RANBP2: variants seen among roughly 807,000 people sequenced by gnomAD.
The protein encoded by RANBP2 is E3 SUMO-protein ligase RanBP2.
A neutral mutation model predicts 303.6 loss-of-function variants in RANBP2; 57 were observed. The observed-to-expected ratio is 0.19, with a 90% CI of 0.15 to 0.23. The LOEUF (loss-of-function observed/expected upper bound fraction) is 0.23. RANBP2 is among the 10% of genes least tolerant of loss of function. The probability of loss-of-function intolerance (pLI) is 1.00; values close to 1 mark genes in which losing one functional copy is unlikely to be tolerated. For missense variants in RANBP2, 3,138 were observed against 3,780.8 expected (o/e 0.83, Z 4.46); for synonymous variants, 1,167 against 1,301.5 (o/e 0.90, Z 2.23).
chr2:109,580,305 T>C, the RANBP2 span, among the ~76,000 whole-genome samples: 2 of 149,560 alleles, frequency 1.3e-5, no homozygotes, highest in African/African-American at 4.9e-5. Context: ...TAACTCACCT[T>C]ACTAAAGATT....
the RANBP2 span, among the ~76,000 whole-genome samples, chr2:109,009,229 A>G: frequency 2.6e-5 from 4 of 151,590 alleles, no homozygotes; most frequent in African/African-American, 9.7e-5. Context: ...AGTCCCAGTT[A>G]CTCTGGAGGC....
At chr2:109,520,081 G>A in the RANBP2 span, among the ~76,000 whole-genome samples, 2 of 152,216 alleles carry the variant, frequency 1.3e-5, no homozygotes, top group African/African-American at 2.4e-5. Flanking sequence ...CCAATGGATC[G>A]TACAAGGCTA....
At chr2:109,496,616 A>G in the RANBP2 span, among the ~76,000 whole-genome samples, 38,798 of 152,078 alleles carry the variant, frequency 0.26, 5,310 homozygotes, top group East Asian at 0.5. Context: ...ACATCGGATC[A>G]GCTCATCCTC....
the RANBP2 span, among the ~76,000 whole-genome samples, chr2:109,664,940 A>AG: frequency 6.6e-6 from 1 of 151,924 alleles, no homozygotes; most frequent in Admixed American, 6.6e-5. Flanking sequence ...AAAAAAAAAA[A>AG]CCAAAACCAA....
chr2:109,401,327 A>T, the RANBP2 span, among the ~76,000 whole-genome samples: 1 of 152,230 alleles, frequency 6.6e-6, no homozygotes, highest in Non-Finnish European at 1.5e-5. Context: ...GGGTACCCCT[A>T]AGAAGAGGAC....
the RANBP2 span, among the ~76,000 whole-genome samples, chr2:109,107,632 C>A: frequency 9.1e-4 from 139 of 152,314 alleles, no homozygotes; most frequent in Non-Finnish European, 1.7e-3. Flanking sequence ...ATGGCTCAGT[C>A]TCAGGGAGAC....
chr2:108,768,175 G>C lies in RANBP2; in HGVS notation c.7636G>C (p.Gly2546Arg). Residue 2546 changes from glycine to arginine, a missense_variant, in exon 20 of 29, where the codon GGA becomes CGA. Physicochemically the swap from Gly to Arg is moderately radical, Grantham distance 125. Transcript: ENST00000283195. ...GNSSATGSLFGFSFNAPLKSN... is the reference protein window; with the variant it reads ...GNSSATGSLFRFSFNAPLKSN... Reference sequence around the variant, plus strand: ...CAGTTCAGCCACTGGGTCTTTGTTTGGATTTAGTTTTAATGCACCTTTGAA... The same window carrying C: ...CAGTTCAGCCACTGGGTCTTTGTTTCGATTTAGTTTTAATGCACCTTTGAA... 6.2e-7 allele frequency: 1 copy of C among 1,611,972 alleles called. No individual in the cohort carries two copies.
chr2:109,160,549 T>G, the RANBP2 span, among the ~76,000 whole-genome samples: 1 of 152,214 alleles, frequency 6.6e-6, no homozygotes, highest in African/African-American at 2.4e-5. Flanking sequence ...CCTCTCTGGC[T>G]TAATCTCATC....
chr2:109,424,791 CT>C, the RANBP2 span, among the ~76,000 whole-genome samples: 1 of 152,162 alleles, frequency 6.6e-6, no homozygotes, highest in Non-Finnish European at 1.5e-5. Context: ...CCAGGCCTAC[CT>C]TTTCCCTTAG....
chr2:109,339,169 G>A, the RANBP2 span, among the ~76,000 whole-genome samples: 1,149 of 151,948 alleles, frequency 7.6e-3, 13 homozygotes, highest in African/African-American at 0.027. Flanking sequence ...GGAGGTGGAC[G>A]GGTAGGCAGA....
At chr2:109,329,490 C>T in the RANBP2 span, among the ~76,000 whole-genome samples, 4 of 152,334 alleles carry the variant, frequency 2.6e-5, no homozygotes, top group South Asian at 8.3e-4. Flanking sequence ...GTGTCTTTCC[C>T]TCTGTGCTGG....
At chr2:109,648,547 T>G in the RANBP2 span, among the ~76,000 whole-genome samples, 1 of 152,174 alleles carries the variant, frequency 6.6e-6, no homozygotes, top group East Asian at 1.9e-4. Flanking sequence ...TTCACTATGT[T>G]GGCCAGGCTG....
intron 7 of RANBP2, 44 bp downstream of exon 7, chr2:108,740,725 T>C: frequency 6.3e-7 from 1 of 1,597,360 alleles, no homozygotes; most frequent in Non-Finnish European, 8.5e-7. Context: ...TCACTGAGTC[T>C]TGATGTGTTT....
the RANBP2 span, among the ~76,000 whole-genome samples, chr2:109,628,894 G>A: frequency 6.6e-5 from 10 of 151,980 alleles, no homozygotes; most frequent in African/African-American, 1.5e-4. Context: ...TGGCAGGCAG[G>A]TTGGCAGTCA....
chr2:108,845,178 AT>A, the RANBP2 span, among the ~76,000 whole-genome samples: 1 of 151,938 alleles, frequency 6.6e-6, no homozygotes, highest in Non-Finnish European at 1.5e-5. Context: ...AGTTTTGAAC[AT>A]TTTTTTCTAT....
At chr2:109,545,495 C>T in the RANBP2 span, 50,598 of 1,536,130 alleles carry the variant, frequency 0.033, 965 homozygotes, top group Non-Finnish European at 0.038. Flanking sequence ...ATTGGTTTCA[C>T]AAGCTCTGAC....
chr2:109,217,646 G>T, the RANBP2 span, among the ~76,000 whole-genome samples: 1 of 152,216 alleles, frequency 6.6e-6, no homozygotes, highest in African/African-American at 2.4e-5. Flanking sequence ...GCCAGTGATG[G>T]GAATGAGATG....
chr2:109,249,574 TCC>T, the RANBP2 span, among the ~76,000 whole-genome samples: 5,163 of 135,398 alleles, frequency 0.038, 257 homozygotes, highest in Middle Eastern at 0.05. Flanking sequence ...CTTCCTTCCT[TCC>T]TTCCTTCCTT....
At chr2:109,129,470 T>A in the RANBP2 span, 1 of 1,495,174 alleles carries the variant, frequency 6.7e-7, no homozygotes, top group Admixed American at 2.1e-5. Context: ...TGATGCTGGC[T>A]GCCGGTGGCG....
Sources: allele counts gnomAD v4.1 joint callset (sites outside exome capture counted in the v4.1 genomes callset), GRCh38; gene constraint gnomAD v4.1.1; transcripts MANE v1.5; gene names NCBI Gene and HGNC (gene_info 2026-07-23, HGNC 2026-07-21).